AZIN2: variants seen among roughly 807,000 people sequenced by gnomAD.
AZIN2 encodes antizyme inhibitor 2.
In AZIN2, 28 loss-of-function variants were observed where a neutral mutation model predicts 47.8. That is an observed-to-expected ratio of 0.59 (90% confidence interval 0.43 to 0.80). AZIN2 has a LOEUF of 0.80. Among genes scored for constraint, AZIN2 ranks in the 30% least tolerant of loss-of-function variants. AZIN2 has a pLI of 0.00. For missense variants in AZIN2, 535 were observed against 582.5 expected, an observed-to-expected ratio of 0.92 and a Z score of 0.84; for synonymous variants, 221 against 239.4, an observed-to-expected ratio of 0.92 and a Z score of 0.71.
the AZIN2 span, chr1:33,142,645 C>G: frequency 6.6e-6 from 1 of 152,258 alleles, no homozygotes; most frequent in Non-Finnish European, 1.5e-5. Context: ...ACAATTGAGA[C>G]TTGACTTACA....
intron 10 of AZIN2, among the ~76,000 whole-genome samples, chr1:33,103,978 G>A (rs1643881891): frequency 1.3e-5 from 2 of 151,920 alleles, no homozygotes; most frequent in South Asian, 2.1e-4. Context: ...TGCCTCCCGG[G>A]TTCAAGTGAT....
At chr1:33,085,343 T>TTTA (rs922158840) in intron 5 of AZIN2, among the ~76,000 whole-genome samples, 1 of 152,092 alleles carries the variant, frequency 6.6e-6, no homozygotes, top group Non-Finnish European at 1.5e-5. Flanking sequence ...AGGATTGTAC[T>TTTA]TTTAGATAGT....
the AZIN2 span, chr1:33,147,573 T>C: frequency 6.2e-7 from 1 of 1,614,096 alleles, no homozygotes; most frequent in Non-Finnish European, 8.5e-7. The surrounding 1 kb of genome is among the most constrained non-coding windows in gnomAD (Gnocchi z 8.1). Flanking sequence ...TACTGAAGGC[T>C]TCAGAACCCA....
intron 6 of AZIN2, 134 bp downstream of exon 6, chr1:33,092,356 G>A (rs1335241942): frequency 1.2e-6 from 1 of 812,466 alleles, no homozygotes; most frequent in East Asian, 2.8e-5. Context: ...AGGGGGGGGT[G>A]GGGTGAGGGG....
the AZIN2 span, among the ~76,000 whole-genome samples, chr1:33,135,968 CT>C: frequency 2.2e-5 from 3 of 136,836 alleles, no homozygotes; most frequent in African/African-American, 8.0e-5. Context: ...GTATTTCTTT[CT>C]TTGGGACTTG....
intron 5 of AZIN2, among the ~76,000 whole-genome samples, chr1:33,086,526 C>T (rs941775490): frequency 1.3e-5 from 2 of 152,204 alleles, no homozygotes; most frequent in Non-Finnish European, 2.9e-5. Flanking sequence ...TCTTGGAAGG[C>T]CAAGGCTGCC....
the AZIN2 span, among the ~76,000 whole-genome samples, chr1:33,130,370 C>T: frequency 6.6e-6 from 1 of 152,224 alleles, no homozygotes; most frequent in Non-Finnish European, 1.5e-5. Context: ...ATTACAAAAA[C>T]TCCCTGTGGC....
At chr1:33,087,514 G>A (rs1642058478) in intron 5 of AZIN2, among the ~76,000 whole-genome samples, 2 of 151,642 alleles carry the variant, frequency 1.3e-5, no homozygotes, top group Admixed American at 1.3e-4. Context: ...TCAGTTCACT[G>A]CAACCTCTGC....
At chr1:33,135,051 C>T in the AZIN2 span, among the ~76,000 whole-genome samples, 1 of 152,166 alleles carries the variant, frequency 6.6e-6, no homozygotes, top group South Asian at 2.1e-4. Flanking sequence ...CTTTGGGAGC[C>T]GATGTGGGTG....
the AZIN2 span, chr1:33,165,410 G>A: frequency 8.5e-7 from 1 of 1,177,670 alleles, no homozygotes; most frequent in Non-Finnish European, 1.2e-6. This position sits in a 1 kb window ranked among gnomAD's most constrained non-coding sequence, Gnocchi z 4.0. Flanking sequence ...AGCTGGCCCC[G>A]CCCCTCGAAG....
the AZIN2 span, among the ~76,000 whole-genome samples, chr1:33,155,955 C>A: frequency 3.3e-5 from 5 of 152,212 alleles, no homozygotes. Flanking sequence ...GATCTTGCTT[C>A]CTGCTTTACT....
downstream of AZIN2, among the ~76,000 whole-genome samples, chr1:33,127,930 C>G (rs1011832435): frequency 6.6e-6 from 1 of 152,134 alleles, no homozygotes; most frequent in East Asian, 1.9e-4. Flanking sequence ...CTCCTACCCT[C>G]CACTGCCTGT....
In AZIN2 at chr1:33,094,650, G is replaced by A. The variant is rs754170915; in HGVS notation, c.690G>A (p.Met230Ile). Reference protein sequence around the residue: ...FEMGTELGHKMHVLDLGGGFP... With the variant: ...FEMGTELGHKIHVLDLGGGFP... ...TGGGCACCGAGCTGGGTCACAAGAT[G>A]CACGTTCTGGACCTTGGTGGTGGCT... Residue 230 changes from methionine (M) to isoleucine (I), a missense_variant, in exon 8 of 12, where the codon ATG (methionine) becomes ATA (isoleucine). By Grantham distance (10) the Met-to-Ile change is conservative (BLOSUM62 1). Around this residue, in one of 3 missense-constraint regions of AZIN2, gnomAD observed 409 missense variants for 429.0 expected, o/e 0.95. Coordinates refer to ENST00000294517, the MANE Select transcript of AZIN2 (RefSeq NM_052998.4). 8.7e-6 allele frequency: 14 copies of A among 1,614,058 alleles called. No individual in the cohort carries two copies. The South Asian group carries it at 1.4e-4, about 16-fold the overall frequency.
chr1:33,130,767 C>G, the AZIN2 span, among the ~76,000 whole-genome samples: 1 of 152,182 alleles, frequency 6.6e-6, no homozygotes, highest in Non-Finnish European at 1.5e-5. Flanking sequence ...GGATTAGAAG[C>G]AAAGACAGAA....
At chr1:33,135,414 C>T in the AZIN2 span, among the ~76,000 whole-genome samples, 2 of 152,212 alleles carry the variant, frequency 1.3e-5, no homozygotes, top group African/African-American at 4.8e-5. Flanking sequence ...AGACATGTGG[C>T]CCACCCCAGT....
the AZIN2 span, among the ~76,000 whole-genome samples, chr1:33,139,626 G>A: frequency 2.0e-5 from 3 of 152,330 alleles, no homozygotes; most frequent in East Asian, 3.9e-4. Flanking sequence ...CATTCTCCAC[G>A]TGGGATCATA....
intron 5 of AZIN2, among the ~76,000 whole-genome samples, chr1:33,087,447 T>TATA (rs1642048330): frequency 6.7e-6 from 1 of 149,758 alleles, no homozygotes; most frequent in African/African-American, 2.5e-5. Context: ...ATATATATAT[T>TATA]TTTTTTTGAG....
the AZIN2 span, among the ~76,000 whole-genome samples, chr1:33,151,147 G>A: frequency 2.0e-5 from 3 of 152,110 alleles, no homozygotes; most frequent in Admixed American, 6.5e-5. Context: ...GGGGCTCTCC[G>A]TGGGTCTGAG....
chr1:33,135,063 A>T, the AZIN2 span, among the ~76,000 whole-genome samples: 215 of 152,296 alleles, frequency 1.4e-3, 2 homozygotes, highest in Non-Finnish European at 5.0e-4. Context: ...ATGTGGGTGG[A>T]TCACCTGAGT....
Sources: allele counts gnomAD v4.1 joint callset (sites outside exome capture counted in the v4.1 genomes callset), GRCh38; gene constraint gnomAD v4.1.1; regional missense constraint gnomAD v4.1.1; non-coding constraint Gnocchi (gnomAD v3.1); transcripts MANE v1.5; gene names NCBI Gene and HGNC (gene_info 2026-07-23, HGNC 2026-07-21).